The following GNAZ variants were observed in gnomAD, a reference collection of about 807,000 sequenced individuals.
GNAZ encodes the protein guanine nucleotide-binding protein G(z) subunit alpha.
In GNAZ, 3 loss-of-function variants were observed where a neutral mutation model predicts 25.4. That is an observed-to-expected ratio of 0.12 (90% confidence interval 0.05 to 0.30). The LOEUF (loss-of-function observed/expected upper bound fraction) is 0.30. Among genes scored for constraint, GNAZ ranks in the 10% least tolerant of loss-of-function variants. GNAZ has a pLI of 1.00. For synonymous variants in GNAZ, 211 were observed against 205.7 expected, an observed-to-expected ratio of 1.03 and a Z score of -0.22; for missense variants, 241 against 501.8, an observed-to-expected ratio of 0.48 and a Z score of 4.97.
At chr22:23,112,789 G>A (rs979768761) in intron 2 of GNAZ, among the ~76,000 whole-genome samples, 13 of 152,112 alleles carry the variant, frequency 8.5e-5, no homozygotes, top group Non-Finnish European at 1.5e-4. Context: ...CTGAAGCACA[G>A]AAGACCCTCA....
chr22:23,098,673 G>A (rs974152214), intron 2 of GNAZ, among the ~76,000 whole-genome samples: 3 of 152,252 alleles, frequency 2.0e-5, no homozygotes, highest in Non-Finnish European at 4.4e-5. Flanking sequence ...AAGCGAGGCT[G>A]GAAATTCACT....
chr22:23,081,892 G>A (rs1272490392), intron 1 of GNAZ, among the ~76,000 whole-genome samples: 2 of 150,128 alleles, frequency 1.3e-5, no homozygotes, highest in African/African-American at 2.5e-5. Context: ...TTGGGGGGCC[G>A]AGGCGGGCGG....
intron 1 of GNAZ, among the ~76,000 whole-genome samples, chr22:23,080,209 G>T (rs1222864904): frequency 6.6e-6 from 1 of 152,194 alleles, no homozygotes. Context: ...GAAATATCTG[G>T]CTTGATTTCC....
intron 2 of GNAZ, among the ~76,000 whole-genome samples, chr22:23,119,929 G>T (rs141637624): frequency 6.6e-6 from 1 of 152,226 alleles, no homozygotes; most frequent in Non-Finnish European, 1.5e-5. Flanking sequence ...CCCATGGTTT[G>T]TCTCAAGGAA....
chr22:23,085,852 C>T (rs917845397), intron 1 of GNAZ, among the ~76,000 whole-genome samples: 2 of 152,246 alleles, frequency 1.3e-5, no homozygotes, highest in African/African-American at 4.8e-5. Context: ...GGCACTAACC[C>T]TTCCCCAGAG....
At chr22:23,076,139 G>C (rs568789584) in intron 1 of GNAZ, among the ~76,000 whole-genome samples, 51 of 152,318 alleles carry the variant, frequency 3.3e-4, no homozygotes, top group African/African-American at 1.2e-3. Context: ...TCCAGACAGG[G>C]CTGGTGGGGC....
chr22:23,081,885 G>A (rs907069576), intron 1 of GNAZ, among the ~76,000 whole-genome samples: 4 of 151,392 alleles, frequency 2.6e-5, no homozygotes, highest in African/African-American at 7.3e-5. Context: ...CAGCACTTTG[G>A]GGGGCCGAGG....
chr22:23,119,648 G>A (rs1910007048), intron 2 of GNAZ, among the ~76,000 whole-genome samples: 1 of 152,224 alleles, frequency 6.6e-6, no homozygotes, highest in Admixed American at 6.5e-5. Flanking sequence ...CTACTAGGGT[G>A]GAGCCCATGT....
chr22:23,074,126 A>G (rs1003255605), intron 1 of GNAZ, among the ~76,000 whole-genome samples: 2 of 152,152 alleles, frequency 1.3e-5, no homozygotes, highest in African/African-American at 4.8e-5. Context: ...GTGGGCCCCA[A>G]TGAGGCAGGA....
chr22:23,089,759 C>T (rs990974561), intron 1 of GNAZ, among the ~76,000 whole-genome samples: 7 of 152,140 alleles, frequency 4.6e-5, no homozygotes, highest in East Asian at 3.9e-4. Flanking sequence ...AGGAAGCAAG[C>T]GGCCCTCAGC....
At chr22:23,106,132 T>G (rs969152349) in intron 2 of GNAZ, among the ~76,000 whole-genome samples, 1 of 152,202 alleles carries the variant, frequency 6.6e-6, no homozygotes, top group African/African-American at 2.4e-5. Flanking sequence ...ACACTTACCC[T>G]GGGGCTCTGC....
chr22:23,074,455 C>T (rs755790276), intron 1 of GNAZ, among the ~76,000 whole-genome samples: 1 of 152,078 alleles, frequency 6.6e-6, no homozygotes, highest in Non-Finnish European at 1.5e-5. Flanking sequence ...ACAGAAAAAC[C>T]CATTCTGGAG....
Position 23,123,637 on chromosome 22 carries a change from GCA to G in GNAZ, c.*217_*218del. On this transcript the variant is annotated 3_prime_UTR_variant, in exon 3 of 3. Transcript: ENST00000615612. The stretch of plus-strand genomic sequence containing the variant: ...GCTAGGTAGATAGACACACACACAT[GCA>G]CACACACACATCTGGAGATGGCAAA... 29 of 579,202 alleles carry G rather than the reference GCA, an allele frequency of 5.0e-5. No individual in the cohort carries two copies. The highest frequency in any genetic ancestry group is 6.5e-5 in the Non-Finnish European group (21 of 324,358). The allele number at this position is 579,202 out of a possible 1,614,324, so 35.9% of individuals were successfully genotyped here. A position where few individuals can be genotyped will look rare whatever the true frequency, so the allele number is the denominator to read the frequency against.
At chr22:23,116,770 G>T (rs550645084) in intron 2 of GNAZ, among the ~76,000 whole-genome samples, 80 of 152,232 alleles carry the variant, frequency 5.3e-4, no homozygotes, top group Non-Finnish European at 9.8e-4. Context: ...AAAGCCGTGA[G>T]TGCCTGATGG....
At position 23,095,799 on chromosome 22, in the gene GNAZ, A is replaced by G; in HGVS notation, c.104A>G (p.Lys35Arg). The G allele has an allele frequency of 1.2e-6, 2 of 1,613,436 alleles. No individual in the cohort carries two copies. The highest frequency in any genetic ancestry group is 1.7e-6 in the Non-Finnish European group (2 of 1,180,016). Residue 35 changes from lysine (K) to arginine (R), a missense_variant, in exon 2 of 3, where the codon AAG (lysine) becomes AGG (arginine). Coordinates refer to ENST00000615612, the MANE Select transcript of GNAZ (RefSeq NM_002073.4). The stretch of plus-strand genomic sequence containing the variant: ...AGCCAGCGGCAACGCCGCGAAATCA[A>G]GCTGCTCCTGCTGGGCACCAGCAAC... ...SESQRQRREI[K>R]LLLLGTSNSG...
chr22:23,082,201 G>A (rs1186429673), intron 1 of GNAZ, among the ~76,000 whole-genome samples: 2 of 150,726 alleles, frequency 1.3e-5, no homozygotes, highest in South Asian at 2.1e-4. Context: ...GGTCTTTTTC[G>A]TTGTGTTTTT....
At chr22:23,091,754 C>T (rs528141721) in intron 1 of GNAZ, among the ~76,000 whole-genome samples, 4 of 152,384 alleles carry the variant, frequency 2.6e-5, no homozygotes, top group Admixed American at 6.5e-5. Flanking sequence ...TGCAGGTACA[C>T]ACATGGCTTA....
At chr22:23,081,149 T>C (rs939758403) in intron 1 of GNAZ, among the ~76,000 whole-genome samples, 1 of 152,204 alleles carries the variant, frequency 6.6e-6, no homozygotes, top group African/African-American at 2.4e-5. Context: ...AGGTTTGGTG[T>C]GGGCAAGCCA....
chr22:23,094,298 A>G (rs1226435228), intron 1 of GNAZ, among the ~76,000 whole-genome samples: 1 of 152,116 alleles, frequency 6.6e-6, no homozygotes, highest in Non-Finnish European at 1.5e-5. Context: ...CTGAGCTTTG[A>G]GCTGCCCCTC....
Sources: gnomAD v4.1 joint callset for allele counts (sites outside exome capture counted in the v4.1 genomes callset) on GRCh38, gnomAD v4.1.1 for gene constraint, MANE v1.5 for transcripts, NCBI Gene and HGNC (gene_info 2026-07-23, HGNC 2026-07-21) for gene names.